Variants in REV3L observed in about 807,000 individuals in gnomAD.
The protein encoded by REV3L is REV3 like, DNA directed polymerase zeta catalytic subunit.
REV3L carries 69 observed loss-of-function variants against 299.4 expected under a neutral mutation model. That is an observed-to-expected ratio of 0.23 (90% CI 0.19 to 0.28). The LOEUF (loss-of-function observed/expected upper bound fraction) is 0.28, where lower values mean the gene tolerates loss of function less well. REV3L is among the 10% of genes least tolerant of loss of function. REV3L has a pLI of 1.00. For synonymous variants in REV3L, 1,238 were observed against 1,271.4 expected (o/e 0.97, Z 0.56); for missense variants, 3,128 against 3,693.8 (o/e 0.85, Z 3.97).
chr6:111,395,014 C>T (rs1391740132), intron 4 of REV3L, among the ~76,000 whole-genome samples: 1 of 152,142 alleles, frequency 6.6e-6, no homozygotes, highest in Non-Finnish European at 1.5e-5. Context: ...TTTATACCAA[C>T]ACCATGCTGA....
chr6:111,465,979 T>C (rs952451890), intron 1 of REV3L, among the ~76,000 whole-genome samples: 1 of 152,174 alleles, frequency 6.6e-6, no homozygotes, highest in East Asian at 1.9e-4. Context: ...TCAAATGCCA[T>C]CTATGAACTA....
chr6:111,425,225 G>A (rs1276868629), intron 1 of REV3L, among the ~76,000 whole-genome samples: 3 of 152,180 alleles, frequency 2.0e-5, no homozygotes, highest in Non-Finnish European at 4.4e-5. Flanking sequence ...TTGGGAGGCC[G>A]AGGCGGGCAG....
chr6:111,387,671 GA>G, intron 9 of REV3L, 93 bp downstream of exon 9: 12 of 1,251,408 alleles, frequency 9.6e-6, no homozygotes, highest in South Asian at 2.8e-5. Flanking sequence ...ATTTCATAGG[GA>G]AAAAAATCCC....
intron 17 of REV3L, 73 bp from the exon 18 acceptor site, chr6:111,357,198 T>G: frequency 4.1e-6 from 2 of 488,782 alleles, no homozygotes; most frequent in Non-Finnish European, 6.5e-6. Context: ...AAAAGTAATA[T>G]TATCCTCTAC....
At chr6:111,402,509 C>A (rs1212213919) in intron 4 of REV3L, among the ~76,000 whole-genome samples, 1 of 152,196 alleles carries the variant, frequency 6.6e-6, no homozygotes, top group Non-Finnish European at 1.5e-5. Flanking sequence ...TTGGCCTGCA[C>A]TTCTTTATTG....
At chr6:111,302,674 G>A (rs1184788416) in intron 31 of REV3L, among the ~76,000 whole-genome samples, 1 of 152,204 alleles carries the variant, frequency 6.6e-6, no homozygotes, top group Non-Finnish European at 1.5e-5. Flanking sequence ...GGAGGCAGAG[G>A]CAGGTGGATC....
chr6:111,431,590 C>A, intron 1 of REV3L: 1 of 767,890 alleles, frequency 1.3e-6, no homozygotes, highest in Non-Finnish European at 2.3e-6. Flanking sequence ...TCTCACTGAA[C>A]AAGTGACCAA....
Position 111,483,163 on chromosome 6 carries a change from C to A in REV3L, c.-275G>T, listed in dbSNP as rs1793983860. ...CGCCACTGCCGCCACCGCCGGGAAT[C>A]ACACGGGCTCCTCGGTCCCAGGCTG... is the stretch of plus-strand genomic sequence containing the variant. On this transcript the variant is annotated 5_prime_UTR_variant, in exon 1 of 32. Transcript: ENST00000368802. The A allele has an allele frequency of 3.7e-5, 18 of 490,094 alleles. No homozygotes were observed. In the South Asian group the frequency reaches 6.4e-4, roughly 18 times the overall value. The allele number at this position is 490,094 out of a possible 1,614,324, so 30.4% of individuals were successfully genotyped here. A position where few individuals can be genotyped will look rare whatever the true frequency, so the allele number is the denominator to read the frequency against.
At chr6:111,401,742 G>A (rs1475243319) in intron 4 of REV3L, among the ~76,000 whole-genome samples, 7 of 152,142 alleles carry the variant, frequency 4.6e-5, no homozygotes, top group Non-Finnish European at 1.5e-5. Flanking sequence ...TAGCATGCTG[G>A]AGAGACAAAA....
At chr6:111,469,142 A>T (rs1300801024) in intron 1 of REV3L, among the ~76,000 whole-genome samples, 2 of 152,210 alleles carry the variant, frequency 1.3e-5, no homozygotes, top group Non-Finnish European at 2.9e-5. Flanking sequence ...AGCCTGGGCA[A>T]CAGAGCGAGA....
At chr6:111,368,170 G>C (rs746520665) in intron 13 of REV3L, 142 bp from the exon 14 acceptor site, 1 of 668,488 alleles carries the variant, frequency 1.5e-6, no homozygotes, top group Non-Finnish European at 2.5e-6. Flanking sequence ...TATTGTGCAG[G>C]TACATTCTAT....
At chr6:111,305,168 C>T (rs373744390) in intron 31 of REV3L, among the ~76,000 whole-genome samples, 85 of 152,088 alleles carry the variant, frequency 5.6e-4, no homozygotes, top group African/African-American at 2.0e-3. Context: ...CTCGAACTCC[C>T]GACCTCACGT....
chr6:111,461,800 C>T (rs756063144), intron 1 of REV3L, among the ~76,000 whole-genome samples: 15 of 151,542 alleles, frequency 9.9e-5, no homozygotes, highest in Non-Finnish European at 2.1e-4. Flanking sequence ...ATAAGCAAAC[C>T]GCGGAGAGAA....
intron 2 of REV3L, among the ~76,000 whole-genome samples, chr6:111,413,510 C>T (rs887002539): frequency 5.9e-5 from 9 of 151,962 alleles, no homozygotes; most frequent in African/African-American, 7.3e-5. Flanking sequence ...GGTCATGATC[C>T]TATCTCTTAA....
intron 13 of REV3L, among the ~76,000 whole-genome samples, chr6:111,371,156 A>G (rs1006223746): frequency 5.3e-5 from 8 of 152,098 alleles, no homozygotes; most frequent in African/African-American, 1.9e-4. Context: ...CTGCTCTGCA[A>G]CTGGTTAAGT....
At chr6:111,335,148 C>T (rs144611163) in intron 22 of REV3L, among the ~76,000 whole-genome samples, 44 of 151,934 alleles carry the variant, frequency 2.9e-4, no homozygotes, top group African/African-American at 1.1e-3. Context: ...TTTTAACAAG[C>T]CAAAATTAAA....
At chr6:111,437,329 C>T (rs951053624) in intron 1 of REV3L, among the ~76,000 whole-genome samples, 1 of 151,948 alleles carries the variant, frequency 6.6e-6, no homozygotes, top group Admixed American at 6.6e-5. Context: ...AAAAGGTGAA[C>T]ACAACTCAGA....
At chr6:111,382,001 T>C (rs757858953) in intron 9 of REV3L, among the ~76,000 whole-genome samples, 5 of 152,236 alleles carry the variant, frequency 3.3e-5, no homozygotes, top group Admixed American at 1.3e-4. Context: ...TCCCATTTCA[T>C]TGCCATAACT....
intron 21 of REV3L, among the ~76,000 whole-genome samples, chr6:111,343,656 A>G (rs949497419): frequency 1.3e-5 from 2 of 152,098 alleles, no homozygotes; most frequent in African/African-American, 4.8e-5. Context: ...TAGCCTCCTG[A>G]GTAGCTGGGA....
Sources: allele counts gnomAD v4.1 joint callset (sites outside exome capture counted in the v4.1 genomes callset), GRCh38; gene constraint gnomAD v4.1.1; transcripts MANE v1.5; gene names NCBI Gene and HGNC (gene_info 2026-07-23, HGNC 2026-07-21).